The following PARD3B variants were observed in gnomAD, a reference collection of about 807,000 sequenced individuals.
The protein encoded by PARD3B is partitioning defective 3 homolog B.
PARD3B carries 103 observed loss-of-function variants against 130.2 expected under a neutral mutation model. The observed-to-expected ratio is 0.79, with a 90% CI of 0.67 to 0.93. The LOEUF (loss-of-function observed/expected upper bound fraction) is 0.93. PARD3B is among the 40% of genes least tolerant of loss of function. PARD3B has a pLI of 0.00. For missense variants in PARD3B, 1,609 were observed against 1,499.2 expected (o/e 1.07, Z -1.21); for synonymous variants, 583 against 553.2 (o/e 1.05, Z -0.76).
intron 18 of PARD3B, among the ~76,000 whole-genome samples, chr2:205,320,477 C>T (rs762277635): frequency 3.3e-5 from 5 of 152,068 alleles, no homozygotes; most frequent in Admixed American, 6.5e-5. Context: ...CCATAAGAGA[C>T]GTATCAGCAC....
At chr2:205,184,360 C>T (rs1444831531) in intron 13 of PARD3B, among the ~76,000 whole-genome samples, 1 of 152,192 alleles carries the variant, frequency 6.6e-6, no homozygotes, top group African/African-American at 2.4e-5. Context: ...AAATATGTCA[C>T]TGTAATAGAT....
At chr2:204,951,553 G>A (rs1051850844) in intron 2 of PARD3B, among the ~76,000 whole-genome samples, 1 of 152,128 alleles carries the variant, frequency 6.6e-6, no homozygotes, top group African/African-American at 2.4e-5. Context: ...TTCACTTTGT[G>A]TATTTATAAT....
intron 3 of PARD3B, among the ~76,000 whole-genome samples, chr2:204,976,560 T>C (rs565057408): frequency 6.6e-6 from 1 of 151,874 alleles, no homozygotes. Flanking sequence ...TTATGGATCA[T>C]TTGGAGGAAA....
At chr2:205,032,111 G>A (rs1415157002) in intron 3 of PARD3B, among the ~76,000 whole-genome samples, 3 of 152,114 alleles carry the variant, frequency 2.0e-5, no homozygotes, top group African/African-American at 4.8e-5. Context: ...GTACAGTTTT[G>A]TACCTGTGGC....
chr2:205,014,081 G>C (rs962662186), intron 3 of PARD3B, among the ~76,000 whole-genome samples: 1 of 152,192 alleles, frequency 6.6e-6, no homozygotes, highest in South Asian at 2.1e-4. Context: ...AGGAAAGTCT[G>C]AGAAAAGTCT....
intron 10 of PARD3B, among the ~76,000 whole-genome samples, chr2:205,144,506 A>T (rs1431170202): frequency 6.6e-6 from 1 of 152,222 alleles, no homozygotes; most frequent in Non-Finnish European, 1.5e-5. Flanking sequence ...TGATAGGAAG[A>T]TATATTCACA....
chr2:205,482,249 AACAG>A (rs1256395206), intron 20 of PARD3B, among the ~76,000 whole-genome samples: 2 of 152,326 alleles, frequency 1.3e-5, no homozygotes, highest in Admixed American at 6.5e-5. Flanking sequence ...CAGTGAAAGA[AACAG>A]ACAATTAGAT....
chr2:205,495,452 AT>A (rs2049889728), intron 20 of PARD3B, among the ~76,000 whole-genome samples: 1 of 152,186 alleles, frequency 6.6e-6, no homozygotes, highest in African/African-American at 2.4e-5. Flanking sequence ...GGAAAGCCTA[AT>A]TGTTAAACTA....
At position 205,405,337 on chromosome 2, in the gene PARD3B, C is replaced by A. The variant is rs1574939329; in HGVS notation, c.2741+4214C>A. The stretch of plus-strand genomic sequence containing the variant: ...AAATGTAGCTAAAAATCTTACAATG[C>A]ACAGGACAGCTACCCTCCCCCACAA... On this transcript the variant is annotated intron_variant, in intron 19 of 22. Coordinates refer to ENST00000406610, the MANE Select transcript of PARD3B (RefSeq NM_001302769.2). This position sits in a 1 kb window ranked among gnomAD's most constrained non-coding sequence, Gnocchi z 4.1. Among the ~76,000 whole-genome samples, 2 of 152,128 alleles carry A rather than the reference C, an allele frequency of 1.3e-5. No individual in the cohort carries two copies. The highest frequency in any genetic ancestry group is 4.8e-5 in the African/African-American group (2 of 41,440).
chr2:205,271,199 T>C (rs1282642367), intron 16 of PARD3B, among the ~76,000 whole-genome samples: 2 of 152,196 alleles, frequency 1.3e-5, no homozygotes, highest in East Asian at 3.9e-4. Flanking sequence ...TCTTAAGGAT[T>C]TCAGAAGCTA....
intron 1 of PARD3B, among the ~76,000 whole-genome samples, chr2:204,569,798 C>T (rs2031883845): frequency 6.6e-6 from 1 of 152,112 alleles, no homozygotes. Context: ...AAGAAAACTA[C>T]TTATTTGTGC....
At chr2:205,516,315 G>A (rs529266780) in intron 21 of PARD3B, among the ~76,000 whole-genome samples, 23 of 151,044 alleles carry the variant, frequency 1.5e-4, no homozygotes, top group Non-Finnish European at 3.0e-4. Context: ...AAATGGATCT[G>A]TAAATTCCAT....
At chr2:205,435,997 C>T (rs1177800628) in intron 19 of PARD3B, among the ~76,000 whole-genome samples, 5 of 152,014 alleles carry the variant, frequency 3.3e-5, no homozygotes, top group South Asian at 2.1e-4. Context: ...TTCAAGAGAC[C>T]GAGAAGTCTA....
intron 2 of PARD3B, among the ~76,000 whole-genome samples, chr2:204,931,100 G>C (rs1687997025): frequency 6.6e-6 from 1 of 150,524 alleles, no homozygotes; most frequent in Non-Finnish European, 1.5e-5. Flanking sequence ...GTTTAATATA[G>C]AAAAAAAAAT....
intron 2 of PARD3B, among the ~76,000 whole-genome samples, chr2:204,765,451 C>T (rs938840763): frequency 1.3e-5 from 2 of 152,174 alleles, no homozygotes; most frequent in Non-Finnish European, 2.9e-5. Flanking sequence ...TGATCTTAAC[C>T]TAGCCTCTTG....
chr2:205,516,381 C>G (rs2050793445), intron 21 of PARD3B, among the ~76,000 whole-genome samples: 1 of 152,186 alleles, frequency 6.6e-6, no homozygotes, highest in South Asian at 2.1e-4. Context: ...CTGATTCTTC[C>G]TATTCATGAG....
intron 2 of PARD3B, among the ~76,000 whole-genome samples, chr2:204,905,912 G>C (rs1575268183): frequency 6.6e-6 from 1 of 152,224 alleles, no homozygotes; most frequent in East Asian, 1.9e-4. Flanking sequence ...ATGAAAAGCA[G>C]TTAAGTCAGT....
chr2:205,118,378 A>G (rs187556308), intron 6 of PARD3B, among the ~76,000 whole-genome samples: 268 of 152,294 alleles, frequency 1.8e-3, no homozygotes, highest in African/African-American at 6.2e-3. Flanking sequence ...CACAGGAAAC[A>G]CCCAACACAT....
chr2:204,736,607 A>G (rs2039767803), intron 2 of PARD3B, among the ~76,000 whole-genome samples: 1 of 152,112 alleles, frequency 6.6e-6, no homozygotes, highest in African/African-American at 2.4e-5. Context: ...AAAACATATT[A>G]TCTTGTTCTT....
Sources: allele counts gnomAD v4.1 joint callset (sites outside exome capture counted in the v4.1 genomes callset), GRCh38; gene constraint gnomAD v4.1.1; non-coding constraint Gnocchi (gnomAD v3.1); transcripts MANE v1.5; gene names NCBI Gene and HGNC (gene_info 2026-07-23, HGNC 2026-07-21).